ANKRD26: variants seen among roughly 807,000 people sequenced by gnomAD.
ANKRD26 encodes ankyrin repeat domain-containing protein 26.
In ANKRD26, 141 loss-of-function variants were observed where a neutral mutation model predicts 208.7. The ratio of observed to expected loss-of-function variants is 0.68; its 90% CI spans 0.59 to 0.78. The LOEUF is 0.78. Ranked by LOEUF, ANKRD26 falls within the 30% of genes least tolerant of loss-of-function variation. The probability of loss-of-function intolerance (pLI) is 0.00; values close to 1 mark genes in which losing one functional copy is unlikely to be tolerated. For synonymous variants in ANKRD26, 636 were observed against 660.4 expected (o/e 0.96, Z 0.57); for missense variants, 1,889 against 1,938.7 (o/e 0.97, Z 0.48).
intron 28 of ANKRD26, among the ~76,000 whole-genome samples, chr10:27,023,851 C>T (rs544328881): frequency 5.9e-5 from 9 of 152,182 alleles, no homozygotes; most frequent in Admixed American, 5.2e-4. Flanking sequence ...TTAAATCATA[C>T]ATACTTTTGT....
At chr10:27,088,405 A>G (rs2056191703) in intron 4 of ANKRD26, 1 of 152,200 alleles carries the variant, frequency 6.6e-6, no homozygotes, top group African/African-American at 2.4e-5. Context: ...AAATTTTAGT[A>G]TATGTGCTGC....
rs61216393 is a variant in ANKRD26 at position 27,010,131 on chromosome 10, T to C, written c.4953+2751A>G. 6.6e-3 allele frequency among the ~76,000 whole-genome samples: 1,009 copies of C among 152,326 alleles called. 39 individuals are homozygous for C. The East Asian group carries it at 0.11, about 17-fold the overall frequency. On this transcript the variant is annotated intron_variant, in intron 32 of 33. Coordinates refer to ENST00000376087, the MANE Select transcript of ANKRD26 (RefSeq NM_014915.3). ...TGTAATATAGTTTCATGCCATTTTT[T>C]AAAAGTTCTATTCTTTCAAAAAAAT...
chr10:27,088,018 T>A, intron 4 of ANKRD26, among the ~76,000 whole-genome samples: 1 of 152,132 alleles, frequency 6.6e-6, no homozygotes, highest in East Asian at 1.9e-4. Flanking sequence ...ACTCCTGGCC[T>A]CAAGCAATTC....
intron 4 of ANKRD26, among the ~76,000 whole-genome samples, chr10:26,999,110 T>C (rs1411685175): frequency 1.3e-5 from 2 of 152,186 alleles, no homozygotes; most frequent in Non-Finnish European, 2.9e-5. Flanking sequence ...CAGATATCAC[T>C]CAAAGCAACT....
intron 15 of ANKRD26, among the ~76,000 whole-genome samples, chr10:27,057,433 T>C (rs1288382384): frequency 6.6e-6 from 1 of 152,250 alleles, no homozygotes; most frequent in Non-Finnish European, 1.5e-5. Flanking sequence ...TGAATTTTTT[T>C]ATGAACAAAC....
rs61589213 is a variant in ANKRD26 at position 27,036,611 on chromosome 10, T to A, written c.2697+575A>T. ...TGAAACAGGGAGAAATATGCTGAAC[T>A]GTTTTACTAGGAACAAAATACTTAT... On this transcript the variant is annotated intron_variant, in intron 23 of 33. Transcript: ENST00000376087. 2.5e-3 allele frequency among the ~76,000 whole-genome samples: 375 copies of A among 152,258 alleles called. 2 individuals are homozygous for A. Among genetic ancestry groups the A allele is most frequent in the African/African-American group, 8.5e-3 (355 of 41,580 alleles).
chr10:27,041,812 G>C (rs2054250386), intron 20 of ANKRD26, among the ~76,000 whole-genome samples: 1 of 151,912 alleles, frequency 6.6e-6, no homozygotes, highest in African/African-American at 2.4e-5. Flanking sequence ...AAGAAAAATT[G>C]GCCAAAACTT....
At chr10:27,053,764 A>G (rs1003958919) in intron 15 of ANKRD26, among the ~76,000 whole-genome samples, 4 of 152,226 alleles carry the variant, frequency 2.6e-5, no homozygotes, top group African/African-American at 7.2e-5. Context: ...ATATTCACTC[A>G]CAAATTCATT....
chr10:26,954,951 C>G, the ANKRD26 span, among the ~76,000 whole-genome samples: 3 of 148,816 alleles, frequency 2.0e-5, no homozygotes, highest in Admixed American at 6.8e-5. Context: ...TTTTGTGCAT[C>G]TAGTAAGCCA....
intron 4 of ANKRD26, among the ~76,000 whole-genome samples, chr10:26,998,075 G>A (rs2052635945): frequency 6.6e-6 from 1 of 152,026 alleles, no homozygotes; most frequent in Non-Finnish European, 1.5e-5. Flanking sequence ...TTTTATCATA[G>A]CCCAGGATAA....
At chr10:27,022,783 C>A in intron 28 of ANKRD26, 96 bp from the exon 29 acceptor site, 1 of 1,129,990 alleles carries the variant, frequency 8.8e-7, no homozygotes, top group Non-Finnish European at 1.3e-6. Context: ...GTAAGAAAAA[C>A]AAATGAATCA....
At chr10:27,057,935 CAAAAAAA>C (rs76921203) in intron 15 of ANKRD26, among the ~76,000 whole-genome samples, 7 of 83,894 alleles carry the variant, frequency 8.3e-5, no homozygotes, top group Admixed American at 5.8e-4. Context: ...GACTCCATCT[CAAAAAAA>C]AAAAAAAAGA....
At chr10:26,961,743 G>A in the ANKRD26 span, among the ~76,000 whole-genome samples, 3 of 152,198 alleles carry the variant, frequency 2.0e-5, no homozygotes, top group South Asian at 2.1e-4. Flanking sequence ...AGGGTCTAGG[G>A]ATTAAATTAG....
At chr10:26,980,907 A>G (rs2052297701) in intron 4 of ANKRD26, among the ~76,000 whole-genome samples, 1 of 152,186 alleles carries the variant, frequency 6.6e-6, no homozygotes, top group Non-Finnish European at 1.5e-5. Context: ...GAGATAAAGC[A>G]CTAGAGAGTT....
chr10:26,960,867 G>C, the ANKRD26 span, among the ~76,000 whole-genome samples: 1 of 152,170 alleles, frequency 6.6e-6, no homozygotes, highest in Admixed American at 6.6e-5. Flanking sequence ...AGGAACAACA[G>C]TGGGGGGTAG....
intron 25 of ANKRD26, 65 bp from the exon 26 acceptor site, chr10:27,029,421 T>G: frequency 6.8e-7 from 1 of 1,466,246 alleles, no homozygotes; most frequent in Non-Finnish European, 9.4e-7. Context: ...CCATTACCTG[T>G]TTTTGTAACT....
Position 27,037,943 on chromosome 10 carries a change from C to T in ANKRD26, c.2487G>A (p.Val829=). The change falls in exon 22 of 34, where the codon GTG becomes GTA. Residue 829 remains valine, a synonymous_variant. Transcript: ENST00000376087. ...GGAGACTCAGTTCAAGCTGTTGTTT[C>T]ACTTCAACTTCTTTCCTATATTGCT... ...KEEQYRKEVE[V]KQQLELSLQT... is the part of the protein sequence containing the mutation. 20 of 1,613,382 alleles carry T rather than the reference C, an allele frequency of 1.2e-5. No homozygotes were observed. The highest frequency in any genetic ancestry group is 1.6e-5 in the Non-Finnish European group (19 of 1,179,740).
downstream of ANKRD26, among the ~76,000 whole-genome samples, chr10:27,000,252 T>A (rs548001825): frequency 3.9e-5 from 6 of 152,334 alleles, no homozygotes; most frequent in African/African-American, 1.4e-4. Context: ...AAGTTTGTGA[T>A]GGCCTATTAT....
intron 11 of ANKRD26, among the ~76,000 whole-genome samples, chr10:27,065,816 A>C (rs1287684807): frequency 6.7e-6 from 1 of 148,534 alleles, no homozygotes; most frequent in Admixed American, 6.7e-5. Flanking sequence ...TACATAACAC[A>C]GAATCATACA....
Sources: gnomAD v4.1 joint callset for allele counts (sites outside exome capture counted in the v4.1 genomes callset) on GRCh38, gnomAD v4.1.1 for gene constraint, MANE v1.5 for transcripts, NCBI Gene and HGNC (gene_info 2026-07-23, HGNC 2026-07-21) for gene names.